SEMA3E: variants seen among roughly 807,000 people sequenced by gnomAD.
The protein encoded by SEMA3E is semaphorin 3E, also known as semaphorin-3E.
In SEMA3E, 49 loss-of-function variants were observed where a neutral mutation model predicts 93.6. The observed-to-expected ratio is 0.52, with a 90% CI of 0.42 to 0.66. The LOEUF (loss-of-function observed/expected upper bound fraction) is 0.66. Ranked by LOEUF, SEMA3E falls within the 30% of genes least tolerant of loss-of-function variation. SEMA3E has a pLI of 0.00. For missense variants in SEMA3E, 906 were observed against 964.8 expected (o/e 0.94, Z 0.81); for synonymous variants, 363 against 330.7 (o/e 1.10, Z -1.06).
At chr7:83,533,952 C>A (rs148350617) in intron 1 of SEMA3E, among the ~76,000 whole-genome samples, 1,815 of 152,256 alleles carry the variant, frequency 0.012, 20 homozygotes, top group Admixed American at 0.019. Flanking sequence ...GCCTCTAGGA[C>A]TCTCCTCTTT....
intron 1 of SEMA3E, among the ~76,000 whole-genome samples, chr7:83,516,337 A>G (rs1224387564): frequency 1.3e-5 from 2 of 152,228 alleles, no homozygotes; most frequent in Non-Finnish European, 2.9e-5. Flanking sequence ...AGTTTAAAAT[A>G]TAATTTGACA....
At chr7:83,612,820 T>G (rs1195750212) in intron 1 of SEMA3E, among the ~76,000 whole-genome samples, 1 of 152,150 alleles carries the variant, frequency 6.6e-6, no homozygotes, top group Non-Finnish European at 1.5e-5. Context: ...CAATAAGATC[T>G]CTTCATCTTT....
At chr7:83,429,144 A>C (rs1788832626) in intron 4 of SEMA3E, among the ~76,000 whole-genome samples, 1 of 152,198 alleles carries the variant, frequency 6.6e-6, no homozygotes, top group Non-Finnish European at 1.5e-5. Flanking sequence ...AAACGTTTGT[A>C]AGTCCTTTAA....
At position 83,458,670 on chromosome 7, in the gene SEMA3E, C is replaced by T. The variant is rs79210639; in HGVS notation, c.456+7812G>A. Among the ~76,000 whole-genome samples, 420 of 151,852 alleles carry T rather than the reference C, an allele frequency of 2.8e-3. 2 individuals are homozygous for T. Among genetic ancestry groups the T allele is most frequent in the African/African-American group, 8.4e-3 (349 of 41,468 alleles). On this transcript the variant is annotated intron_variant, in intron 4 of 16. Coordinates refer to ENST00000643230, the MANE Select transcript of SEMA3E (RefSeq NM_012431.3). The stretch of plus-strand genomic sequence containing the variant: ...CAAGTAAACTATGCTGTGTATGGTA[C>T]ATCCAACGGGGTGAGCTTAGTAGCA...
intron 4 of SEMA3E, among the ~76,000 whole-genome samples, chr7:83,455,733 T>C (rs1789465553): frequency 6.6e-6 from 1 of 152,226 alleles, no homozygotes; most frequent in South Asian, 2.1e-4. Flanking sequence ...ATTTGCCTGC[T>C]GGTCTAGAAG....
intron 1 of SEMA3E, among the ~76,000 whole-genome samples, chr7:83,578,194 G>A (rs1179196054): frequency 6.6e-6 from 1 of 151,480 alleles, no homozygotes. Flanking sequence ...TTACCACCAG[G>A]GAGTTTTCTT....
intron 1 of SEMA3E, among the ~76,000 whole-genome samples, chr7:83,506,842 G>A (rs181892655): frequency 1.6e-4 from 24 of 152,206 alleles, no homozygotes; most frequent in African/African-American, 4.8e-4. Flanking sequence ...ACTTTTATAC[G>A]ATAAGTTAAA....
At chr7:83,639,011 T>C (rs1202353883) in intron 1 of SEMA3E, among the ~76,000 whole-genome samples, 1 of 145,246 alleles carries the variant, frequency 6.9e-6, no homozygotes, top group Non-Finnish European at 1.5e-5. Flanking sequence ...CTTGGGAGGC[T>C]GAGGCAGGAG....
At chr7:83,551,555 T>C (rs141580900) in intron 1 of SEMA3E, among the ~76,000 whole-genome samples, 12 of 152,304 alleles carry the variant, frequency 7.9e-5, no homozygotes, top group African/African-American at 1.2e-4. Context: ...CACAGGTAGA[T>C]GTCACAGAAC....
At chr7:83,625,978 A>C (rs940066703) in intron 1 of SEMA3E, among the ~76,000 whole-genome samples, 1 of 152,022 alleles carries the variant, frequency 6.6e-6, no homozygotes, top group Non-Finnish European at 1.5e-5. Flanking sequence ...TGGTTGTTGT[A>C]ATTGGTTCTG....
intron 1 of SEMA3E, among the ~76,000 whole-genome samples, chr7:83,590,794 T>G (rs1440731370): frequency 6.6e-6 from 1 of 152,120 alleles, no homozygotes; most frequent in Non-Finnish European, 1.5e-5. Flanking sequence ...GGTGAAATCA[T>G]GGACAGTGCC....
chr7:83,495,615 T>C (rs1470016475), intron 1 of SEMA3E, among the ~76,000 whole-genome samples: 1 of 151,900 alleles, frequency 6.6e-6, no homozygotes, highest in East Asian at 1.9e-4. Context: ...GTTTTTAATA[T>C]GTTCTTTTAA....
rs376833826 is a variant in SEMA3E, at chr7:83,402,792, A to G, written c.999-16T>C. On this transcript the variant is annotated splice_polypyrimidine_tract_variant and intron_variant, in intron 9 of 16. Transcript: ENST00000643230. ...AAAAATATTACTGAAAAATACAAAA[A>G]AGATAATTATTCTTCTGGAACTAAC... The G allele has an allele frequency of 1.5e-4, 235 of 1,608,354 alleles. No individual in the cohort carries two copies. Among genetic ancestry groups the G allele is most frequent in the South Asian group, 5.0e-4 (45 of 90,708 alleles).
rs2709923 is a variant in SEMA3E, at chr7:83,396,846, A to G, written c.1367-117T>C. 0.67 allele frequency: 459,234 copies of G among 685,382 alleles called. 161,407 individuals carry two copies. Among genetic ancestry groups the G allele is most frequent in the East Asian group, 0.83 (29,523 of 35,700 alleles). 42.5% of individuals were successfully genotyped at this position (685,382 alleles called of 1,614,324 possible). Reference sequence around the variant, plus strand: ...TGCCTGTAATCACTTTGGGAGGCCAAGATGGGTGTATCTCTTGAGGTCAGG... The same window carrying G: ...TGCCTGTAATCACTTTGGGAGGCCAGGATGGGTGTATCTCTTGAGGTCAGG... On this transcript the variant is annotated intron_variant, in intron 11 of 16. Transcript: ENST00000643230.
intron 11 of SEMA3E, 96 bp downstream of exon 11, chr7:83,399,932 G>T: frequency 1.0e-6 from 1 of 989,532 alleles, no homozygotes. Context: ...TTAACAGATG[G>T]ACAGATTTGT....
intron 1 of SEMA3E, among the ~76,000 whole-genome samples, chr7:83,548,191 CAG>C (rs1474906156): frequency 1.3e-5 from 2 of 152,058 alleles, no homozygotes; most frequent in Non-Finnish European, 2.9e-5. Context: ...TTTAGAGAAA[CAG>C]AGAACTGAGA....
intron 4 of SEMA3E, among the ~76,000 whole-genome samples, chr7:83,435,500 G>A (rs1788986227): frequency 6.6e-6 from 1 of 152,080 alleles, no homozygotes; most frequent in African/African-American, 2.4e-5. Context: ...GGAGGCCGAG[G>A]CAGGAGAATT....
intron 1 of SEMA3E, among the ~76,000 whole-genome samples, chr7:83,517,256 C>A (rs970919839): frequency 6.6e-6 from 1 of 152,100 alleles, no homozygotes; most frequent in Non-Finnish European, 1.5e-5. Flanking sequence ...TGCTCTATGG[C>A]CTTTACACAC....
intron 1 of SEMA3E, among the ~76,000 whole-genome samples, chr7:83,604,942 C>T (rs911313897): frequency 3.3e-5 from 5 of 152,060 alleles, no homozygotes; most frequent in African/African-American, 4.8e-5. Context: ...GTTTCATCCA[C>T]GTCCCTGAAA....
Sources: allele counts gnomAD v4.1 joint callset (sites outside exome capture counted in the v4.1 genomes callset), GRCh38; gene constraint gnomAD v4.1.1; transcripts MANE v1.5; gene names NCBI Gene and HGNC (gene_info 2026-07-23, HGNC 2026-07-21).